AOX1: variants seen among roughly 807,000 people sequenced by gnomAD.
The protein encoded by AOX1 is aldehyde oxidase 1, also known as aldehyde oxidase.
In AOX1, 153 loss-of-function variants were observed where a neutral mutation model predicts 169.5. The observed-to-expected ratio is 0.90, with a 90% CI of 0.79 to 1.03. The LOEUF is 1.03. Among genes scored for constraint, AOX1 ranks in the 50% least tolerant of loss-of-function variants. AOX1 has a pLI of 0.00. For missense variants in AOX1, 1,656 were observed against 1,663.9 expected (o/e 1.00, Z 0.08); for synonymous variants, 562 against 581.9 (o/e 0.97, Z 0.49).
At chr2:200,636,181 T>G (rs2105741269) in intron 21 of AOX1, among the ~76,000 whole-genome samples, 2 of 127,198 alleles carry the variant, frequency 1.6e-5, no homozygotes, top group East Asian at 4.7e-4. Context: ...CAGGCTGGAG[T>G]GCAGTGGTGC....
In AOX1 at chr2:200,642,551, C is replaced by A. The variant is rs191407642; in HGVS notation, c.2656-59C>A. 1.8e-3 allele frequency: 2,745 copies of A among 1,530,170 alleles called. 7 individuals are homozygous for A. The highest frequency in any genetic ancestry group is 2.2e-3 in the Non-Finnish European group (2,468 of 1,112,184). 94.8% of individuals were successfully genotyped at this position (1,530,170 alleles called of 1,614,324 possible). Reference sequence around the variant, plus strand: ...TTTCGGCCTGGTTTTGGTCTGAGGTCGTAGGATGGTGAAACAGGTTCAGAA... The same window carrying A: ...TTTCGGCCTGGTTTTGGTCTGAGGTAGTAGGATGGTGAAACAGGTTCAGAA... On this transcript the variant is annotated intron_variant, in intron 24 of 34. Coordinates refer to ENST00000374700, the MANE Select transcript of AOX1 (RefSeq NM_001159.4).
intron 20 of AOX1, among the ~76,000 whole-genome samples, chr2:200,633,327 G>A (rs1209598503): frequency 6.6e-6 from 1 of 151,334 alleles, no homozygotes; most frequent in Non-Finnish European, 1.5e-5. Flanking sequence ...TGACTTCAAT[G>A]GCACAAATAT....
At chr2:200,653,003 TC>T (rs1441900575) in intron 26 of AOX1, among the ~76,000 whole-genome samples, 1 of 152,206 alleles carries the variant, frequency 6.6e-6, no homozygotes, top group Non-Finnish European at 1.5e-5. Context: ...AAGATTTGTA[TC>T]CTCATTTTAG....
rs1261757592 is a variant in AOX1 at position 200,605,092 on chromosome 2, A to AC, written c.814+254dup. 2.6e-5 allele frequency among the ~76,000 whole-genome samples: 4 copies of AC among 152,196 alleles called. No homozygotes were observed. The East Asian group carries it at 7.7e-4, about 29-fold the overall frequency. Reference sequence around the variant, plus strand: ...ACCGAAGGGGCTTGCTCCATAGCAAACCAGCAGCAGGAGCTTCAGTGACAG... The same window carrying AC: ...ACCGAAGGGGCTTGCTCCATAGCAAACCCAGCAGCAGGAGCTTCAGTGACAG... On this transcript the variant is annotated intron_variant, in intron 9 of 34. Transcript: ENST00000374700.
downstream of AOX1, chr2:200,677,203 G>A (rs2036111320): frequency 4.4e-6 from 1 of 227,952 alleles, no homozygotes; most frequent in Non-Finnish European, 8.9e-6. Context: ...GGTTCTTAGG[G>A]AAGGGGAGGA....
chr2:200,592,375 G>T (rs2034191407), intron 1 of AOX1, among the ~76,000 whole-genome samples: 1 of 152,168 alleles, frequency 6.6e-6, no homozygotes, highest in African/African-American at 2.4e-5. Flanking sequence ...GGTGAAAGAT[G>T]AATTCAGCTT....
chr2:200,659,837 CAT>C (rs2035785873), intron 28 of AOX1, among the ~76,000 whole-genome samples, 156 bp from the exon 29 acceptor site: 1 of 151,796 alleles, frequency 6.6e-6, no homozygotes, highest in Admixed American at 6.6e-5. Context: ...TGCACACACT[CAT>C]ATGAAACCTT....
intron 31 of AOX1, among the ~76,000 whole-genome samples, chr2:200,665,949 G>A (rs2035917468): frequency 6.6e-6 from 1 of 152,142 alleles, no homozygotes; most frequent in African/African-American, 2.4e-5. Flanking sequence ...ATTTTCAAAT[G>A]TTACATGAAA....
Position 200,666,719 on chromosome 2 carries a change from CTG to C in AOX1, c.3577_3578del (p.Cys1193GlnfsTer7). ...GAACAGACATTGTCATGGATGTTGG[CTG>C]CAGTATAAATCCAGCCATTGACATA... ...IRTDIVMDVG[C>X]SINPAIDIGQ... is the part of the protein sequence containing the mutation. On this transcript the variant is annotated frameshift_variant, in exon 32 of 35. Transcript: ENST00000374700. LOFTEE classifies it high-confidence loss of function. 1 of 1,610,602 alleles carries C rather than the reference CTG, an allele frequency of 6.2e-7. No individual in the cohort carries two copies. The highest frequency in any genetic ancestry group is 8.5e-7 in the Non-Finnish European group (1 of 1,179,008).
At chr2:200,631,568 A>G (rs1383180014) in intron 20 of AOX1, among the ~76,000 whole-genome samples, 1 of 152,130 alleles carries the variant, frequency 6.6e-6, no homozygotes, top group Non-Finnish European at 1.5e-5. Flanking sequence ...CTGGGATAAC[A>G]TTTTATCTCA....
intron 18 of AOX1, among the ~76,000 whole-genome samples, chr2:200,621,858 T>C (rs1211366160): frequency 1.3e-5 from 2 of 152,192 alleles, no homozygotes; most frequent in African/African-American, 4.8e-5. Context: ...GTTCAAGCGA[T>C]TCTCCTGCCT....
chr2:200,640,131 C>A (rs1371679480), intron 23 of AOX1, among the ~76,000 whole-genome samples: 1 of 151,278 alleles, frequency 6.6e-6, no homozygotes, highest in Non-Finnish European at 1.5e-5. Context: ...ATAAACATGG[C>A]ATGTTTGATA....
intron 26 of AOX1, among the ~76,000 whole-genome samples, chr2:200,653,572 T>C (rs2035622429): frequency 1.3e-5 from 2 of 152,206 alleles, no homozygotes; most frequent in Non-Finnish European, 2.9e-5. Flanking sequence ...AGAACAAGGA[T>C]TCAACTTCAG....
intron 16 of AOX1, among the ~76,000 whole-genome samples, chr2:200,617,021 T>C (rs1237339421): frequency 6.6e-6 from 1 of 152,212 alleles, no homozygotes; most frequent in Non-Finnish European, 1.5e-5. Flanking sequence ...TCAAATATGA[T>C]AGTTGAACCC....
intron 15 of AOX1, among the ~76,000 whole-genome samples, chr2:200,615,387 G>C (rs1364402733): frequency 6.6e-6 from 1 of 152,108 alleles, no homozygotes; most frequent in Non-Finnish European, 1.5e-5. Context: ...CCCCCATCCA[G>C]CTCTAGGCTG....
At chr2:200,636,462 A>G (rs1354479302) in intron 21 of AOX1, among the ~76,000 whole-genome samples, 1 of 152,090 alleles carries the variant, frequency 6.6e-6, no homozygotes, top group Non-Finnish European at 1.5e-5. Flanking sequence ...AGACAGTAGA[A>G]TGCAGGGAAA....
At chr2:200,608,278 C>A (rs1201077417) in intron 10 of AOX1, among the ~76,000 whole-genome samples, 1 of 152,166 alleles carries the variant, frequency 6.6e-6, no homozygotes, top group Non-Finnish European at 1.5e-5. Flanking sequence ...CTTCTTCTGT[C>A]TGCAATATCA....
rs781220563 is a variant in AOX1, at chr2:200,599,690, C to T, written c.380C>T (p.Thr127Met). The change falls in exon 5 of 35, where the codon ACG becomes ATG. Residue 127 changes from threonine to methionine, a missense_variant. By Grantham distance (81) the Thr-to-Met change is moderately conservative. Transcript: ENST00000374700. ...CCTGGGATGGTGATGTCCATCTACACGCTGCTCAGGAACCACCCAGAGCCC... is the reference window on the plus strand; with the variant it reads ...CCTGGGATGGTGATGTCCATCTACATGCTGCTCAGGAACCACCCAGAGCCC... ...CTPGMVMSIYTLLRNHPEPTL... is the reference protein window; with the variant it reads ...CTPGMVMSIYMLLRNHPEPTL... The T allele has an allele frequency of 8.1e-6, 13 of 1,613,008 alleles. No homozygotes were observed. Among genetic ancestry groups the T allele is most frequent in the African/African-American group, 4.0e-5 (3 of 74,854 alleles).
chr2:200,655,231 G>A (rs1417837245), intron 26 of AOX1, among the ~76,000 whole-genome samples: 2 of 152,168 alleles, frequency 1.3e-5, no homozygotes, highest in African/African-American at 4.8e-5. Context: ...TCCTTAGGAC[G>A]TGATCCTTCC....
Sources: allele counts gnomAD v4.1 joint callset (sites outside exome capture counted in the v4.1 genomes callset), GRCh38; gene constraint gnomAD v4.1.1; transcripts MANE v1.5; gene names NCBI Gene and HGNC (gene_info 2026-07-23, HGNC 2026-07-21).